BICD2: variants seen among roughly 807,000 people sequenced by gnomAD.
The protein encoded by BICD2 is protein bicaudal D homolog 2.
Under a neutral mutation model 72.9 loss-of-function variants are expected in BICD2, and 25 were observed. The observed-to-expected ratio is 0.34, with a 90% CI of 0.25 to 0.48. BICD2 has a LOEUF of 0.48. Ranked by LOEUF, BICD2 falls within the 20% of genes least tolerant of loss-of-function variation. The pLI, the probability that BICD2 is intolerant of heterozygous loss-of-function variation, is 0.99. For synonymous variants in BICD2, 501 were observed against 516.1 expected, an observed-to-expected ratio of 0.97 and a Z score of 0.40; for missense variants, 894 against 1,175.2, an observed-to-expected ratio of 0.76 and a Z score of 3.50.
intron 1 of BICD2, among the ~76,000 whole-genome samples, chr9:92,763,752 AG>A (rs540591158): frequency 6.6e-4 from 100 of 152,286 alleles, no homozygotes; most frequent in African/African-American, 2.4e-3. Flanking sequence ...TCCGTCCAAG[AG>A]GAACACAGCA....
chr9:92,744,198 A>G (rs972119574), intron 1 of BICD2, among the ~76,000 whole-genome samples: 1 of 152,202 alleles, frequency 6.6e-6, no homozygotes, highest in Non-Finnish European at 1.5e-5. Flanking sequence ...CACACAAATG[A>G]ATCCCATGTG....
At chr9:92,763,856 T>C (rs745554861) in intron 1 of BICD2, among the ~76,000 whole-genome samples, 1 of 152,078 alleles carries the variant, frequency 6.6e-6, no homozygotes, top group African/African-American at 2.4e-5. Flanking sequence ...ATCCCGGCCA[T>C]GAGGACACAG....
At chr9:92,723,058 G>A (rs1056003687) in intron 2 of BICD2, among the ~76,000 whole-genome samples, 1 of 152,048 alleles carries the variant, frequency 6.6e-6, no homozygotes, top group Non-Finnish European at 1.5e-5. Flanking sequence ...TGCCTGCTCC[G>A]ACCCTTGGTT....
intron 1 of BICD2, among the ~76,000 whole-genome samples, chr9:92,750,112 G>A (rs1214112325): frequency 2.6e-5 from 4 of 152,178 alleles, no homozygotes; most frequent in South Asian, 4.1e-4. Flanking sequence ...AGAATCTTAC[G>A]CCATCTCCTC....
In BICD2 at chr9:92,713,970, G is replaced by T; in HGVS notation, c.*1184C>A. 1.0e-6 allele frequency: 1 copy of T among 988,092 alleles called. No homozygotes were observed. The highest frequency in any genetic ancestry group is 1.2e-6 in the Non-Finnish European group (1 of 831,518). The allele number at this position is 988,092 out of a possible 1,614,324, so 61.2% of individuals were successfully genotyped here. A position where few individuals can be genotyped will look rare whatever the true frequency, so the allele number is the denominator to read the frequency against. ...GCCTCAGGTCCAGCTGGTCCCACAG[G>T]GTGATCGGGAAAAAAGTACTGAGAA... On this transcript the variant is annotated 3_prime_UTR_variant, in exon 7 of 7. Coordinates refer to ENST00000356884, the MANE Select transcript of BICD2 (RefSeq NM_001003800.2).
intron 2 of BICD2, among the ~76,000 whole-genome samples, chr9:92,723,610 G>A (rs1009426380): frequency 6.6e-6 from 1 of 152,180 alleles, no homozygotes; most frequent in Non-Finnish European, 1.5e-5. Context: ...GCAATGAACT[G>A]TTCTAAGATT....
At position 92,718,675 on chromosome 9, in the gene BICD2, G is replaced by A; in HGVS notation, c.1970C>T (p.Ala657Val). 6.2e-7 allele frequency: 1 copy of A among 1,614,066 alleles called. No individual in the cohort carries two copies. Among genetic ancestry groups the A allele is most frequent in the Non-Finnish European group, 8.5e-7 (1 of 1,180,020 alleles). The change falls in exon 5 of 7, where the codon GCC becomes GTC. Residue 657 changes from alanine to valine, a missense_variant. Coordinates refer to ENST00000356884, the MANE Select transcript of BICD2 (RefSeq NM_001003800.2). ...CACGGCGGGGCCCAGCTCCTGAGAG[G>A]CAATGCGCTGGCGTGACAGCTCCGT... Reference protein sequence around the residue: ...RTTELSRQRIASQELGPAVDK... With the variant: ...RTTELSRQRIVSQELGPAVDK...
At chr9:92,718,166 C>A (rs1340421084) in intron 5 of BICD2, among the ~76,000 whole-genome samples, 2 of 152,162 alleles carry the variant, frequency 1.3e-5, no homozygotes, top group African/African-American at 2.4e-5. Context: ...GGAGGGACTG[C>A]CCCTAAACCT....
At position 92,764,385 on chromosome 9, in the gene BICD2, G is replaced by A. The variant is rs2277164; in HGVS notation, c.240+120C>T. The A allele has an allele frequency of 3.8e-6, 5 of 1,313,144 alleles. No homozygotes were observed. The highest frequency in any genetic ancestry group is 6.3e-5 in the East Asian group (2 of 31,664). 81.3% of individuals were successfully genotyped at this position (1,313,144 alleles called of 1,614,324 possible). On this transcript the variant is annotated intron_variant, in intron 1 of 6. Transcript: ENST00000356884. The surrounding 1 kb of genome is among the most constrained non-coding windows in gnomAD (Gnocchi z 5.5). ...ATACTGCCCGTGCCCCCTCCGCCCCGGCGGCCCACCCCTGCCGGCCCCCGC... is the reference window on the plus strand; with the variant it reads ...ATACTGCCCGTGCCCCCTCCGCCCCAGCGGCCCACCCCTGCCGGCCCCCGC...
At position 92,715,331 on chromosome 9, in the gene BICD2, C is replaced by T. The variant is rs1853282962; in HGVS notation, c.2391G>A (p.Glu797=). 1 of 1,613,026 alleles carries T rather than the reference C, an allele frequency of 6.2e-7. No homozygotes were observed. The change falls in exon 7 of 7, where the codon GAG becomes GAA. Residue 797 remains glutamate, a synonymous_variant. Transcript: ENST00000356884. ...TCTGCTCATGGTCCAGCTCGAGCAG[C>T]TCCAGCCGCTGGGTCAGCGCCAGCT... ...QQKLALTQRL[E]LLELDHEQTR...
intron 1 of BICD2, among the ~76,000 whole-genome samples, chr9:92,754,046 G>A (rs577221471): frequency 2.0e-5 from 3 of 151,810 alleles, no homozygotes; most frequent in African/African-American, 7.2e-5. Context: ...TCGGGAGGCT[G>A]AGGCAGGAGA....
intron 6 of BICD2, among the ~76,000 whole-genome samples, chr9:92,716,977 C>T (rs1443088534): frequency 1.3e-5 from 2 of 152,224 alleles, no homozygotes; most frequent in South Asian, 2.1e-4. Flanking sequence ...AGGTGAGTAC[C>T]CAGCGGTCAC....
rs181601323 is a variant in BICD2, at chr9:92,744,880, C to T, written c.241-15644G>A. Among the ~76,000 whole-genome samples the T allele has an allele frequency of 3.9e-5, 6 of 152,142 alleles. No homozygotes were observed. In the East Asian group the frequency reaches 1.2e-3, roughly 29 times the overall value. On this transcript the variant is annotated intron_variant, in intron 1 of 6. Coordinates refer to ENST00000356884, the MANE Select transcript of BICD2 (RefSeq NM_001003800.2). Reference sequence around the variant, plus strand: ...AAAAAAAGGAAAAGCTGCAGAATAGCAAATGTACCCAAGGGATGACATATT... The same window carrying T: ...AAAAAAAGGAAAAGCTGCAGAATAGTAAATGTACCCAAGGGATGACATATT...
intron 6 of BICD2, among the ~76,000 whole-genome samples, chr9:92,716,113 TA>T (rs1172129060): frequency 6.6e-6 from 1 of 152,066 alleles, no homozygotes; most frequent in Non-Finnish European, 1.5e-5. Context: ...AAGGGCGGGT[TA>T]AATCCCAGGG....
chr9:92,736,829 C>G (rs532621290), intron 1 of BICD2, among the ~76,000 whole-genome samples: 12 of 152,164 alleles, frequency 7.9e-5, no homozygotes, highest in African/African-American at 1.4e-4. Context: ...CACACACACA[C>G]AGAGAAACTG....
Position 92,720,227 on chromosome 9 carries a change from G to C in BICD2, c.1062+73C>G. 7.1e-7 allele frequency: 1 copy of C among 1,408,268 alleles called. No individual in the cohort carries two copies. The highest frequency in any genetic ancestry group is 2.2e-5 in the Admixed American group (1 of 45,934). The allele number at this position is 1,408,268 out of a possible 1,614,324, so 87.2% of individuals were successfully genotyped here. A position where few individuals can be genotyped will look rare whatever the true frequency, so the allele number is the denominator to read the frequency against. On this transcript the variant is annotated intron_variant, in intron 4 of 6. Transcript: ENST00000356884. This position sits in a 1 kb window ranked among gnomAD's most constrained non-coding sequence, Gnocchi z 5.4. ...GAAAGTTAACATCAGCAGAGTGTCA[G>C]GTAAGCACTGCTCGGGGAGCCCTGC...
In BICD2 at chr9:92,720,447, G is replaced by T. The variant is rs373858530; in HGVS notation, c.915C>A (p.His305Gln). Reference protein sequence around the residue: ...DAEALVNGFEHGGLAKLPLDN... With the variant: ...DAEALVNGFEQGGLAKLPLDN... Reference sequence around the variant, plus strand: ...CCAGTGGCAGCTTGGCCAGGCCGCCGTGCTCAAAGCCATTGACCAGGGCCT... The same window carrying T: ...CCAGTGGCAGCTTGGCCAGGCCGCCTTGCTCAAAGCCATTGACCAGGGCCT... The change falls in exon 4 of 7, where the codon CAC becomes CAA. Residue 305 changes from histidine to glutamine, a missense_variant. Physicochemically the swap from His to Gln is conservative, Grantham distance 24 (BLOSUM62 0). This residue lies in a region of BICD2 where 371 missense variants were observed against 439.1 expected (regional missense o/e 0.84). Transcript: ENST00000356884. The surrounding 1 kb of genome is among the most constrained non-coding windows in gnomAD (Gnocchi z 5.4). 1 of 1,614,198 alleles carries T rather than the reference G, an allele frequency of 6.2e-7. No individual in the cohort carries two copies. The highest frequency in any genetic ancestry group is 2.2e-5 in the East Asian group (1 of 44,876).
intron 2 of BICD2, among the ~76,000 whole-genome samples, chr9:92,727,494 G>A (rs1853590580): frequency 6.6e-6 from 1 of 152,138 alleles, no homozygotes; most frequent in African/African-American, 2.4e-5. Flanking sequence ...TCAGTGAAAG[G>A]CAAAGCCAGT....
chr9:92,717,395 G>A (rs994118911), intron 6 of BICD2, among the ~76,000 whole-genome samples: 1 of 152,220 alleles, frequency 6.6e-6, no homozygotes, highest in Non-Finnish European at 1.5e-5. Flanking sequence ...AGGCTCCTGG[G>A]GGCTGGGCTA....
Sources: gnomAD v4.1 joint callset for allele counts (sites outside exome capture counted in the v4.1 genomes callset) on GRCh38, gnomAD v4.1.1 for gene constraint, gnomAD v4.1.1 regional missense constraint, Gnocchi (gnomAD v3.1) non-coding constraint, MANE v1.5 for transcripts, NCBI Gene and HGNC (gene_info 2026-07-23, HGNC 2026-07-21) for gene names.